The following GALNT17 variants were observed in gnomAD, a reference collection of about 807,000 sequenced individuals.
The protein encoded by GALNT17 is UDP-GalNAc:polypeptide N-acetylgalactosaminyltransferase-like 3.
GALNT17 carries 29 observed loss-of-function variants against 63.7 expected under a neutral mutation model. That is an observed-to-expected ratio of 0.46 (90% CI 0.34 to 0.62). GALNT17 has a LOEUF of 0.62. GALNT17 is among the 20% of genes least tolerant of loss of function. The pLI is 0.01. For missense variants in GALNT17, 603 were observed against 799.6 expected (o/e 0.75, Z 2.97); for synonymous variants, 305 against 318.3 (o/e 0.96, Z 0.45).
rs540572734 is a variant in GALNT17 at position 71,334,349 on chromosome 7, C to T, written c.239-1201C>T. On this transcript the variant is annotated intron_variant, in intron 1 of 10. Coordinates refer to ENST00000333538, the MANE Select transcript of GALNT17 (RefSeq NM_022479.3). Reference sequence around the variant, plus strand: ...AGATTTGGATCCTTCTGGGCGCTTCCGGCTGCCCAGGCTGTGAAAGCCAAG... The same window carrying T: ...AGATTTGGATCCTTCTGGGCGCTTCTGGCTGCCCAGGCTGTGAAAGCCAAG... 6.5e-4 allele frequency among the ~76,000 whole-genome samples: 99 copies of T among 152,196 alleles called. 1 individual carries two copies. The highest frequency in any genetic ancestry group is 2.2e-3 in the African/African-American group (91 of 41,544).
At chr7:71,500,201 G>T (rs1309335726) in intron 5 of GALNT17, among the ~76,000 whole-genome samples, 2 of 152,066 alleles carry the variant, frequency 1.3e-5, no homozygotes, top group African/African-American at 4.8e-5. Context: ...ACAATTAATT[G>T]CACCGCCTTG....
At chr7:71,488,889 CT>C (rs369124996) in intron 5 of GALNT17, among the ~76,000 whole-genome samples, 18 of 54,734 alleles carry the variant, frequency 3.3e-4, no homozygotes, top group African/African-American at 1.3e-3. Flanking sequence ...GCCAGGTTTC[CT>C]TTTTTTTTTT....
rs546127548 is a variant in GALNT17, at chr7:71,142,071, T to C, written c.238+9031T>C. The stretch of plus-strand genomic sequence containing the variant: ...GTTTAGTAGAGATGGGGTTTCACCA[T>C]GTTGGCCAGCCCTGTCTTGAACTCC... On this transcript the variant is annotated intron_variant, in intron 1 of 10. Coordinates refer to ENST00000333538, the MANE Select transcript of GALNT17 (RefSeq NM_022479.3). Among the ~76,000 whole-genome samples the C allele has an allele frequency of 2.8e-4, 42 of 150,756 alleles. 1 individual carries two copies. The highest frequency in any genetic ancestry group is 6.8e-3 in the Middle Eastern group (2 of 294).
intron 6 of GALNT17, among the ~76,000 whole-genome samples, chr7:71,605,664 A>G (rs772917183): frequency 7.9e-5 from 12 of 152,130 alleles, no homozygotes; most frequent in Non-Finnish European, 1.5e-4. Context: ...TAGTTACAAT[A>G]AGGTGTCATT....
intron 1 of GALNT17, among the ~76,000 whole-genome samples, chr7:71,259,808 A>G (rs1790354071): frequency 1.3e-5 from 2 of 151,412 alleles, no homozygotes; most frequent in Admixed American, 1.3e-4. Flanking sequence ...CGCCTGGCTA[A>G]TTTTTTGTAT....
chr7:71,326,478 AAGAG>A (rs532526700), intron 1 of GALNT17, among the ~76,000 whole-genome samples: 2,134 of 151,752 alleles, frequency 0.014, 20 homozygotes, highest in Non-Finnish European at 0.02. Context: ...GAAAGCAAGA[AAGAG>A]AGAGAGAGAG....
At position 71,571,331 on chromosome 7, in the gene GALNT17, T is replaced by C; in HGVS notation, c.1009T>C (p.Phe337Leu). ...GCSFVVNRKF[F>L]GEIGLLDPGM... ...CTCGTTCGTGGTCAACAGGAAGTTC[T>C]TCGGTGAAATTGGTCTTCTGGATCC... The change falls in exon 6 of 11, where the codon TTC becomes CTC. Residue 337 changes from phenylalanine to leucine, a missense_variant. This residue lies in a region of GALNT17 where 336 missense variants were observed against 507.8 expected (regional missense o/e 0.66). Coordinates refer to ENST00000333538, the MANE Select transcript of GALNT17 (RefSeq NM_022479.3). 1 of 1,614,156 alleles carries C rather than the reference T, an allele frequency of 6.2e-7. No individual in the cohort carries two copies. Among genetic ancestry groups the C allele is most frequent in the Non-Finnish European group, 8.5e-7 (1 of 1,179,990 alleles).
At chr7:71,247,894 G>GT (rs1329058080) in intron 1 of GALNT17, among the ~76,000 whole-genome samples, 1 of 152,212 alleles carries the variant, frequency 6.6e-6, no homozygotes, top group East Asian at 1.9e-4. Context: ...TAAGAAAATC[G>GT]TAAGGAAGAA....
At chr7:71,192,798 C>T (rs1181595437) in intron 1 of GALNT17, among the ~76,000 whole-genome samples, 1 of 152,094 alleles carries the variant, frequency 6.6e-6, no homozygotes, top group African/African-American at 2.4e-5. Context: ...TCATCCTTGC[C>T]AACATTTGGT....
At chr7:71,338,562 C>A (rs1340234725) in intron 2 of GALNT17, among the ~76,000 whole-genome samples, 1 of 151,942 alleles carries the variant, frequency 6.6e-6, no homozygotes, top group African/African-American at 2.4e-5. Flanking sequence ...TATGAGAGGT[C>A]TTTATTTTGT....
At position 71,132,531 on chromosome 7, in the gene GALNT17, C is replaced by G. The variant is rs895666663; in HGVS notation, c.-272C>G. On this transcript the variant is annotated 5_prime_UTR_variant, in exon 1 of 11. Transcript: ENST00000333538. The stretch of plus-strand genomic sequence containing the variant: ...AATCCCTGGCCTTTCGCGGAGACGC[C>G]TGGACGGGGCCGTGCGCCGTGGACT... 2.0e-5 allele frequency: 9 copies of G among 441,952 alleles called. No individual in the cohort carries two copies. Among genetic ancestry groups the G allele is most frequent in the Non-Finnish European group, 3.6e-5 (9 of 249,548 alleles). The allele number at this position is 441,952 out of a possible 1,614,324, so 27.4% of individuals were successfully genotyped here.
chr7:71,460,764 C>T (rs1333537680), intron 5 of GALNT17, among the ~76,000 whole-genome samples: 1 of 152,176 alleles, frequency 6.6e-6, no homozygotes, highest in Admixed American at 6.5e-5. Context: ...ATTCATGCCT[C>T]CCCTTTTTAG....
chr7:71,239,653 C>T (rs1328825307), intron 1 of GALNT17, among the ~76,000 whole-genome samples: 5 of 152,116 alleles, frequency 3.3e-5, no homozygotes, highest in Admixed American at 1.3e-4. Context: ...TCTGATTTCA[C>T]GAAGCAGGGC....
chr7:71,396,652 A>T (rs1793144456), intron 3 of GALNT17, among the ~76,000 whole-genome samples: 1 of 152,154 alleles, frequency 6.6e-6, no homozygotes, highest in African/African-American at 2.4e-5. Flanking sequence ...TTTCTCTGAG[A>T]AATAGCTGTT....
chr7:71,640,662 T>A (rs1466441566), intron 6 of GALNT17, among the ~76,000 whole-genome samples: 8 of 152,190 alleles, frequency 5.3e-5, no homozygotes, highest in African/African-American at 2.4e-5. Context: ...TATCATATTT[T>A]AAAAAAACCA....
At chr7:71,592,563 CTAAAATAAAATAAAA>C (rs71089963) in intron 6 of GALNT17, among the ~76,000 whole-genome samples, 3 of 69,984 alleles carry the variant, frequency 4.3e-5, no homozygotes, top group African/African-American at 4.7e-5. Flanking sequence ...GCATAGCATA[CTAAAATAAAATAAAA>C]TAAAATAAAA....
intron 5 of GALNT17, among the ~76,000 whole-genome samples, chr7:71,510,102 G>A (rs937655070): frequency 4.6e-5 from 7 of 151,912 alleles, no homozygotes; most frequent in Admixed American, 6.6e-5. Context: ...GCACCACTGC[G>A]CCTGGCTAAT....
In GALNT17 at chr7:71,522,822, C is replaced by T. The variant is rs1009741406; in HGVS notation, c.963-48463C>T. Among the ~76,000 whole-genome samples, 5 of 152,158 alleles carry T rather than the reference C, an allele frequency of 3.3e-5. No individual in the cohort carries two copies. In the South Asian group the frequency reaches 6.2e-4, roughly 19 times the overall value. ...ATTTCTTGATTGATCTGAGGATGTTCGGATCAGTAGGAATAAACCAACTAG... is the reference window on the plus strand; with the variant it reads ...ATTTCTTGATTGATCTGAGGATGTTTGGATCAGTAGGAATAAACCAACTAG... On this transcript the variant is annotated intron_variant, in intron 5 of 10. Transcript: ENST00000333538.
chr7:71,158,664 C>T (rs943632332), intron 1 of GALNT17, among the ~76,000 whole-genome samples: 1 of 151,746 alleles, frequency 6.6e-6, no homozygotes, highest in African/African-American at 2.4e-5. Flanking sequence ...GCAAGCTCCA[C>T]CTCCCGGGTT....
Sources: allele counts gnomAD v4.1 joint callset (sites outside exome capture counted in the v4.1 genomes callset), GRCh38; gene constraint gnomAD v4.1.1; regional missense constraint gnomAD v4.1.1; transcripts MANE v1.5; gene names NCBI Gene and HGNC (gene_info 2026-07-23, HGNC 2026-07-21).